The following AFF3 variants were observed in gnomAD, a reference collection of about 807,000 sequenced individuals.
AFF3 encodes the protein ALF transcription elongation factor 3.
AFF3 carries 32 observed loss-of-function variants against 129.7 expected under a neutral mutation model. The ratio of observed to expected loss-of-function variants is 0.25; its 90% CI spans 0.19 to 0.33. The LOEUF is 0.33. Ranked by LOEUF, AFF3 falls within the 10% of genes least tolerant of loss-of-function variation. The pLI is 1.00. For synonymous variants in AFF3, 644 were observed against 635.4 expected, an observed-to-expected ratio of 1.01 and a Z score of -0.20; for missense variants, 1,373 against 1,592.0, an observed-to-expected ratio of 0.86 and a Z score of 2.34.
At chr2:99,864,149 C>T (rs1410897641) in intron 7 of AFF3, among the ~76,000 whole-genome samples, 1 of 152,166 alleles carries the variant, frequency 6.6e-6, no homozygotes, top group Admixed American at 6.5e-5. Flanking sequence ...CTAGCTTTCC[C>T]GTGCTTATGT....
chr2:100,142,303 G>A (rs1158460067), intron 1 of AFF3, among the ~76,000 whole-genome samples, 181 bp downstream of exon 1: 3 of 151,544 alleles, frequency 2.0e-5, no homozygotes, highest in South Asian at 2.1e-4. Context: ...CAATCCCTCT[G>A]GCTGTTCACC....
At chr2:100,130,662 AGTT>A (rs1692393682) in intron 1 of AFF3, among the ~76,000 whole-genome samples, 1 of 152,130 alleles carries the variant, frequency 6.6e-6, no homozygotes, top group Non-Finnish European at 1.5e-5. Flanking sequence ...CGGAGTATGG[AGTT>A]TCCTGTAGTT....
chr2:99,885,798 A>G (rs1693071028), intron 7 of AFF3, among the ~76,000 whole-genome samples: 1 of 152,154 alleles, frequency 6.6e-6, no homozygotes, highest in Admixed American at 6.5e-5. Context: ...GGGCCACTGG[A>G]ACAAGGTCAT....
chr2:99,585,215 C>T (rs1051388575), intron 16 of AFF3, among the ~76,000 whole-genome samples: 3 of 152,310 alleles, frequency 2.0e-5, no homozygotes, highest in African/African-American at 4.8e-5. Flanking sequence ...ATGATTTTTA[C>T]AGTGCATGGA....
intron 8 of AFF3, among the ~76,000 whole-genome samples, chr2:99,791,460 C>T (rs1459882485): frequency 6.6e-6 from 1 of 152,212 alleles, no homozygotes; most frequent in Non-Finnish European, 1.5e-5. Context: ...TAGTCTGTGC[C>T]TGTTCAGTAC....
intron 8 of AFF3, among the ~76,000 whole-genome samples, chr2:99,831,220 A>G (rs1043076496): frequency 6.6e-6 from 1 of 152,242 alleles, no homozygotes; most frequent in African/African-American, 2.4e-5. Context: ...TTATTTGAGC[A>G]TCTGCTGTAT....
intron 11 of AFF3, among the ~76,000 whole-genome samples, chr2:99,726,558 TAG>T (rs1355528081): frequency 2.0e-5 from 3 of 152,190 alleles, no homozygotes; most frequent in Non-Finnish European, 2.9e-5. Flanking sequence ...AGACAAAACA[TAG>T]AGTGAGGAGC....
chr2:99,603,849 A>G (rs1680075541), intron 13 of AFF3, among the ~76,000 whole-genome samples: 1 of 152,346 alleles, frequency 6.6e-6, no homozygotes, highest in Admixed American at 6.5e-5. Flanking sequence ...GAAGACATAC[A>G]TGTGGCCAAA....
At chr2:100,016,160 TG>T (rs1230027354) in intron 4 of AFF3, among the ~76,000 whole-genome samples, 1 of 150,828 alleles carries the variant, frequency 6.6e-6, no homozygotes, top group Non-Finnish European at 1.5e-5. Context: ...GTAGAGGTGC[TG>T]GTGGTGGTGG....
chr2:100,039,379 T>G (rs1204708539), intron 4 of AFF3, among the ~76,000 whole-genome samples: 1 of 152,094 alleles, frequency 6.6e-6, no homozygotes, highest in African/African-American at 2.4e-5. Flanking sequence ...GGCAACACAG[T>G]GAGACCCCAT....
In AFF3 at chr2:99,558,886, C is replaced by T. The variant is rs747978507; in HGVS notation, c.3274G>A (p.Asp1092Asn). The change falls in exon 22 of 25, where the codon GAC becomes AAC. Residue 1092 changes from aspartate to asparagine, a missense_variant. Physicochemically the swap from Asp to Asn is conservative, Grantham distance 23. Transcript: ENST00000672756. ...HAVKYSKALI[D>N]YFKNSSKAAQ... ...TCACTAGACAGTACCTTGAAATAGT[C>T]GATTAGTGCTTTTGAATACTTTACA... 17 of 1,613,808 alleles carry T rather than the reference C, an allele frequency of 1.1e-5. No homozygotes were observed. The Admixed American group carries it at 1.8e-4, about 17-fold the overall frequency.
intron 4 of AFF3, among the ~76,000 whole-genome samples, chr2:100,103,723 G>A (rs1690949528): frequency 1.3e-5 from 2 of 152,012 alleles, no homozygotes; most frequent in Admixed American, 6.5e-5. Context: ...TACCCGGGGC[G>A]CCCGGGTGGG....
At chr2:99,647,529 T>C (rs1239331558) in intron 13 of AFF3, among the ~76,000 whole-genome samples, 2 of 152,138 alleles carry the variant, frequency 1.3e-5, no homozygotes, top group African/African-American at 4.8e-5. Flanking sequence ...AGCTAATAGA[T>C]GCTGGGCTTA....
At chr2:100,018,411 C>T (rs1342860483) in intron 4 of AFF3, among the ~76,000 whole-genome samples, 1 of 152,128 alleles carries the variant, frequency 6.6e-6, no homozygotes, top group Non-Finnish European at 1.5e-5. Context: ...CGTAAATATA[C>T]TCCAGTGGGT....
At chr2:99,631,337 T>C (rs868168637) in intron 13 of AFF3, among the ~76,000 whole-genome samples, 4 of 152,202 alleles carry the variant, frequency 2.6e-5, no homozygotes, top group African/African-American at 7.2e-5. Flanking sequence ...AGATTACCCA[T>C]AGTAAAATAC....
chr2:99,983,906 GA>G (rs1006287217), intron 7 of AFF3, among the ~76,000 whole-genome samples: 3 of 148,188 alleles, frequency 2.0e-5, no homozygotes, highest in Non-Finnish European at 3.0e-5. Context: ...ATTCATTTTG[GA>G]AAAAAAAAGC....
At chr2:99,961,768 C>T (rs2104331069) in intron 7 of AFF3, among the ~76,000 whole-genome samples, 1 of 152,236 alleles carries the variant, frequency 6.6e-6, no homozygotes, top group East Asian at 1.9e-4. Flanking sequence ...GCAACCCGGA[C>T]CTGGCATTTC....
intron 7 of AFF3, among the ~76,000 whole-genome samples, chr2:99,888,710 T>C (rs1333746948): frequency 6.6e-6 from 1 of 152,136 alleles, no homozygotes; most frequent in Non-Finnish European, 1.5e-5. Context: ...ATCAAAACTG[T>C]ATCTTTTTTT....
At chr2:99,672,752 C>A (rs538617113) in intron 11 of AFF3, among the ~76,000 whole-genome samples, 163 bp from the exon 12 acceptor site, 1 of 152,090 alleles carries the variant, frequency 6.6e-6, no homozygotes, top group Non-Finnish European at 1.5e-5. Flanking sequence ...CACTTTTCCT[C>A]TGGTGCACTT....
Sources: gnomAD v4.1 joint callset for allele counts (sites outside exome capture counted in the v4.1 genomes callset) on GRCh38, gnomAD v4.1.1 for gene constraint, MANE v1.5 for transcripts, NCBI Gene and HGNC (gene_info 2026-07-23, HGNC 2026-07-21) for gene names.